Variants in ABCB4 observed in about 807,000 individuals in gnomAD.
The protein encoded by ABCB4 is ATP binding cassette subfamily B member 4.
Under a neutral mutation model 145.7 loss-of-function variants are expected in ABCB4, and 76 were observed. The ratio of observed to expected loss-of-function variants is 0.52; its 90% CI spans 0.43 to 0.63. The LOEUF is 0.63. ABCB4 is among the 30% of genes least tolerant of loss of function. The pLI, the probability that ABCB4 is intolerant of heterozygous loss-of-function variation, is 0.00. For synonymous variants in ABCB4, 517 were observed against 566.8 expected (o/e 0.91, Z 1.25); for missense variants, 1,234 against 1,553.1 (o/e 0.79, Z 3.45).
chr7:87,374,675 T>C, the ABCB4 span, among the ~76,000 whole-genome samples: 2 of 152,036 alleles, frequency 1.3e-5, no homozygotes, highest in Non-Finnish European at 2.9e-5. Context: ...ACACCATTAA[T>C]TTGCAAATAA....
At position 87,456,935 on chromosome 7, in the gene ABCB4, G is replaced by C. The variant is rs547204562; in HGVS notation, c.287-2343C>G. ...TAGATCTGAAAAGAGCCTACTCCTGGTCTTGTCAGATGCTACCTATTCTGC... is the reference window on the plus strand; with the variant it reads ...TAGATCTGAAAAGAGCCTACTCCTGCTCTTGTCAGATGCTACCTATTCTGC... On this transcript the variant is annotated intron_variant, in intron 4 of 27. Coordinates refer to ENST00000649586, the MANE Select transcript of ABCB4 (RefSeq NM_000443.4). 5.9e-5 allele frequency among the ~76,000 whole-genome samples: 9 copies of C among 152,134 alleles called. No homozygotes were observed. In the East Asian group the frequency reaches 1.7e-3, roughly 29 times the overall value.
At chr7:87,386,779 T>C in the ABCB4 span, among the ~76,000 whole-genome samples, 2 of 152,130 alleles carry the variant, frequency 1.3e-5, no homozygotes, top group African/African-American at 4.8e-5. Flanking sequence ...ATTTGGTGTC[T>C]TTTTTGGCTG....
chr7:87,416,123 CA>C (rs1164899592), intron 21 of ABCB4, among the ~76,000 whole-genome samples: 1 of 152,162 alleles, frequency 6.6e-6, no homozygotes, highest in Non-Finnish European at 1.5e-5. Flanking sequence ...GGAGAGGATG[CA>C]GCGTGAAAAT....
At position 87,402,262 on chromosome 7, in the gene ABCB4, G is replaced by T. The variant is rs772764578; in HGVS notation, c.3674C>A (p.Thr1225Asn). 5.6e-6 allele frequency: 9 copies of T among 1,614,042 alleles called. No homozygotes were observed. The South Asian group carries it at 8.8e-5, about 16-fold the overall frequency. The change falls in exon 28 of 28, where the codon ACC (threonine) becomes AAC (asparagine). Residue 1225 changes from threonine (T) to asparagine (N), a missense_variant. Thr to Asn is a moderately conservative substitution (Grantham distance 65). Transcript: ENST00000649586. Reference protein sequence around the residue: ...EALDKAREGRTCIVIAHRLST... With the variant: ...EALDKAREGRNCIVIAHRLST... ...CAGGCGGTGAGCAATCACAATGCAG[G>T]TGCGGCCTTCTCTGGCTTTGTCCAG... is the stretch of plus-strand genomic sequence containing the variant.
chr7:87,395,402 C>T, the ABCB4 span, among the ~76,000 whole-genome samples: 590 of 152,338 alleles, frequency 3.9e-3, no homozygotes, highest in African/African-American at 0.013. Flanking sequence ...CTGTCTCAGA[C>T]ACACCCAGGA....
At chr7:87,417,163 G>T in intron 21 of ABCB4, 149 bp downstream of exon 21, 1 of 782,594 alleles carries the variant, frequency 1.3e-6, no homozygotes, top group Non-Finnish European at 2.1e-6. Flanking sequence ...CATTAATACA[G>T]TAAAATATTT....
intron 14 of ABCB4, among the ~76,000 whole-genome samples, chr7:87,437,453 T>A (rs151254447): frequency 8.5e-5 from 13 of 152,278 alleles, no homozygotes; most frequent in African/African-American, 3.1e-4. Context: ...ATACACTGAA[T>A]TGTTTTAAGC....
At chr7:87,396,952 T>A (rs547566562), downstream of ABCB4, among the ~76,000 whole-genome samples, 14 of 152,348 alleles carry the variant, frequency 9.2e-5, no homozygotes, top group East Asian at 2.7e-3. Flanking sequence ...CTATGATTTA[T>A]CTAACTGCTT....
chr7:87,418,903 T>C (rs45620035), intron 19 of ABCB4, among the ~76,000 whole-genome samples: 3 of 152,268 alleles, frequency 2.0e-5, no homozygotes, highest in Non-Finnish European at 4.4e-5. Context: ...GGGAGGCTGG[T>C]AGGCATTCCA....
In ABCB4 at chr7:87,413,715, A is replaced by G. The variant is rs1479365318; in HGVS notation, c.2685T>C (p.Ile895=). The G allele has an allele frequency of 6.3e-7, 1 of 1,595,492 alleles. No homozygotes were observed. The highest frequency in any genetic ancestry group is 8.6e-7 in the Non-Finnish European group (1 of 1,163,680). The part of the protein sequence containing the change: ...DKKELEAAGK[I]ATEAIENIRT... ...TAATATTTTCTATTGCCTCTGTTGC[A>G]ATCTGTAACACAGAATAGACCTTCA... The change falls in exon 22 of 28, where the codon ATT becomes ATC. Residue 895 remains isoleucine (I), a splice_region_variant and synonymous_variant. Transcript: ENST00000649586.
chr7:87,416,540 C>G (rs1211237764), intron 21 of ABCB4, among the ~76,000 whole-genome samples: 1 of 152,168 alleles, frequency 6.6e-6, no homozygotes, highest in East Asian at 1.9e-4. Context: ...TGGTTATAAT[C>G]TACATGTGAA....
chr7:87,378,362 AG>A, the ABCB4 span, among the ~76,000 whole-genome samples: 25 of 150,388 alleles, frequency 1.7e-4, no homozygotes, highest in African/African-American at 5.9e-4. Context: ...AAAAAAAAAA[AG>A]GGTTCAGTAG....
chr7:87,452,158 T>C (rs1149219), intron 6 of ABCB4, among the ~76,000 whole-genome samples: 2 of 152,176 alleles, frequency 1.3e-5, no homozygotes, highest in Non-Finnish European at 2.9e-5. Context: ...TTTCTTCTTA[T>C]AGGGAAGTAA....
chr7:87,373,763 T>C, the ABCB4 span, among the ~76,000 whole-genome samples: 1 of 151,962 alleles, frequency 6.6e-6, no homozygotes, highest in African/African-American at 2.4e-5. Flanking sequence ...GGGAGAAACT[T>C]ATAAGAGGAG....
chr7:87,410,504 T>G (rs1259132580), intron 23 of ABCB4, among the ~76,000 whole-genome samples: 1 of 152,204 alleles, frequency 6.6e-6, no homozygotes, highest in Non-Finnish European at 1.5e-5. Context: ...TAGGTTTCCA[T>G]AATTTAACAT....
At chr7:87,417,569 C>T in intron 20 of ABCB4, 54 bp from the exon 21 acceptor site, 2 of 1,456,056 alleles carry the variant, frequency 1.4e-6, no homozygotes, top group Non-Finnish European at 1.9e-6. Flanking sequence ...AATGCATGCG[C>T]TCCAGCCTTA....
At chr7:87,464,906 T>G (rs939318022) in intron 3 of ABCB4, among the ~76,000 whole-genome samples, 5 of 152,192 alleles carry the variant, frequency 3.3e-5, no homozygotes, top group African/African-American at 4.8e-5. Flanking sequence ...GGTTCCAAGA[T>G]AGCTGATTAG....
intron 24 of ABCB4, among the ~76,000 whole-genome samples, chr7:87,408,447 C>T (rs1231819831): frequency 6.6e-6 from 1 of 152,154 alleles, no homozygotes; most frequent in East Asian, 1.9e-4. Context: ...GACAAAAAGT[C>T]ATTACCATGA....
In ABCB4 at chr7:87,470,763, A is replaced by G. The variant is rs372819216; in HGVS notation, c.135+1858T>C. 0.012 allele frequency among the ~76,000 whole-genome samples: 1,754 copies of G among 152,206 alleles called. 107 individuals carry two copies. In the East Asian group the frequency reaches 0.15, roughly 13 times the overall value. On this transcript the variant is annotated intron_variant, in intron 3 of 27. Transcript: ENST00000649586. The stretch of plus-strand genomic sequence containing the variant: ...GGAGAAATAGGAACACTTTTACACT[A>G]TTGGTGGGACTGTAAACTAGTTCAA...
Sources: allele counts gnomAD v4.1 joint callset (sites outside exome capture counted in the v4.1 genomes callset), GRCh38; gene constraint gnomAD v4.1.1; transcripts MANE v1.5; gene names NCBI Gene and HGNC (gene_info 2026-07-23, HGNC 2026-07-21).